DLG5: variants seen among roughly 807,000 people sequenced by gnomAD.
The protein encoded by DLG5 is disks large homolog 5.
A neutral mutation model predicts 189.8 loss-of-function variants in DLG5; 48 were observed. That is an observed-to-expected ratio of 0.25 (90% CI 0.20 to 0.32). DLG5 has a LOEUF of 0.32. Ranked by LOEUF, DLG5 falls within the 10% of genes least tolerant of loss-of-function variation. The pLI is 1.00. For missense variants in DLG5, 2,160 were observed against 2,544.7 expected (o/e 0.85, Z 3.25); for synonymous variants, 1,016 against 1,054.1 (o/e 0.96, Z 0.70).
chr10:77,883,605 A>G (rs893304973), intron 1 of DLG5, among the ~76,000 whole-genome samples: 2 of 152,068 alleles, frequency 1.3e-5, no homozygotes, highest in African/African-American at 4.8e-5. Flanking sequence ...CAATTTGAAC[A>G]ATGTCATTGG....
rs1375623842 is a variant in DLG5 at position 77,830,857 on chromosome 10, G to T, written c.1765C>A (p.Gln589Lys). The change falls in exon 10 of 32, where the codon CAG becomes AAG. Residue 589 changes from glutamine to lysine, a missense_variant. Around this residue, in one of 5 missense-constraint regions of DLG5, gnomAD observed 664 missense variants for 838.5 expected, o/e 0.79. Transcript: ENST00000372391. ...LKELKEQMESQLEKEARFRQL... is the reference protein window; with the variant it reads ...LKELKEQMESKLEKEARFRQL... ...CGGAACCGGGCCTCCTTTTCCAACT[G>T]GGATTCCATCTGTTCCCTGTGAACA... 6.2e-7 allele frequency: 1 copy of T among 1,614,080 alleles called. No individual in the cohort carries two copies. Among genetic ancestry groups the T allele is most frequent in the East Asian group, 2.2e-5 (1 of 44,880 alleles).
At chr10:77,915,987 A>G (rs1317828110) in intron 1 of DLG5, among the ~76,000 whole-genome samples, 2 of 152,124 alleles carry the variant, frequency 1.3e-5, no homozygotes, top group African/African-American at 4.8e-5. Context: ...GGCTTATTCA[A>G]TAATGGATTG....
At chr10:77,868,510 G>T (rs902986239) in intron 2 of DLG5, 7 of 282,222 alleles carry the variant, frequency 2.5e-5, no homozygotes, top group Non-Finnish European at 4.8e-5. Context: ...TGGAGTAGAT[G>T]ACCTCTGTGA....
intron 1 of DLG5, among the ~76,000 whole-genome samples, chr10:77,920,470 G>T (rs1190372325): frequency 6.6e-6 from 1 of 152,126 alleles, no homozygotes; most frequent in African/African-American, 2.4e-5. Context: ...GCGTGACATC[G>T]CTGCTGCTTG....
At chr10:77,908,789 G>C (rs1846137969) in intron 1 of DLG5, among the ~76,000 whole-genome samples, 1 of 151,948 alleles carries the variant, frequency 6.6e-6, no homozygotes, top group South Asian at 2.1e-4. Context: ...TAAACTCCTG[G>C]GGGGTGGGGG....
At chr10:77,847,894 T>TG (rs974047396) in intron 5 of DLG5, among the ~76,000 whole-genome samples, 4 of 152,046 alleles carry the variant, frequency 2.6e-5, no homozygotes, top group Non-Finnish European at 5.9e-5. Flanking sequence ...TTTGTAGAGA[T>TG]GGGGGTCTCA....
rs552235393 is a variant in DLG5 at position 77,840,115 on chromosome 10, C to T, written c.1437+1766G>A. ...AAGGCTGGCTGGGTGCAGGGGCTCA[C>T]GCCTGTAATCCTAGCACTTTGGGAG... is the stretch of plus-strand genomic sequence containing the variant. On this transcript the variant is annotated intron_variant, in intron 7 of 31. Coordinates refer to ENST00000372391, the MANE Select transcript of DLG5 (RefSeq NM_004747.4). 7.9e-5 allele frequency among the ~76,000 whole-genome samples: 12 copies of T among 152,316 alleles called. No individual in the cohort carries two copies. The South Asian group carries it at 1.0e-3, about 13-fold the overall frequency.
In DLG5 at chr10:77,892,729, C is replaced by G. The variant is rs150384030; in HGVS notation, c.305-23532G>C. Reference sequence around the variant, plus strand: ...TAGCTTCCCTCACAGGGCCAGGCAGCCAGGAGACACCCAATAAAGGATTGC... The same window carrying G: ...TAGCTTCCCTCACAGGGCCAGGCAGGCAGGAGACACCCAATAAAGGATTGC... On this transcript the variant is annotated intron_variant, in intron 1 of 31. Coordinates refer to ENST00000372391, the MANE Select transcript of DLG5 (RefSeq NM_004747.4). 1.6e-4 allele frequency among the ~76,000 whole-genome samples: 24 copies of G among 152,302 alleles called. No homozygotes were observed. In the East Asian group the frequency reaches 4.6e-3, roughly 29 times the overall value.
intron 1 of DLG5, among the ~76,000 whole-genome samples, chr10:77,870,021 C>T (rs143073970): frequency 6.6e-6 from 1 of 152,228 alleles, no homozygotes; most frequent in Non-Finnish European, 1.5e-5. Flanking sequence ...CCCCATCCCC[C>T]ATCCCCCATC....
rs556228211 is a variant in DLG5 at position 77,816,388 on chromosome 10, T to C, written c.4025+163A>G. Reference sequence around the variant, plus strand: ...TCCACACACGCCCCACCTCCCTGCATCCAGTGCCCCATGGCACTTACTGGT... The same window carrying C: ...TCCACACACGCCCCACCTCCCTGCACCCAGTGCCCCATGGCACTTACTGGT... On this transcript the variant is annotated intron_variant, in intron 20 of 31. Coordinates refer to ENST00000372391, the MANE Select transcript of DLG5 (RefSeq NM_004747.4). Among the ~76,000 whole-genome samples, 276 of 152,304 alleles carry C rather than the reference T, an allele frequency of 1.8e-3. 1 individual carries two copies. Among genetic ancestry groups the C allele is most frequent in the Non-Finnish European group, 2.9e-3 (200 of 68,016 alleles).
rs180702031 is a variant in DLG5, at chr10:77,926,599, C to T, written c.-79G>A. 2,658 of 1,117,654 alleles carry T rather than the reference C, an allele frequency of 2.4e-3. 46 individuals carry two copies. The African/African-American group carries it at 0.041, about 17-fold the overall frequency. The allele number at this position is 1,117,654 out of a possible 1,614,324, so 69.2% of individuals were successfully genotyped here. On this transcript the variant is annotated 5_prime_UTR_variant, in exon 1 of 32. Transcript: ENST00000372391. This position sits in a 1 kb window ranked among gnomAD's most constrained non-coding sequence, Gnocchi z 5.2. ...CCGGCGGGCGGGCAGGCGAGCACCT[C>T]GGCAGCAGCCCTAGGGCGCCGGGAG...
intron 1 of DLG5, among the ~76,000 whole-genome samples, chr10:77,897,594 TG>T (rs1239102742): frequency 1.4e-5 from 2 of 147,780 alleles, no homozygotes; most frequent in Non-Finnish European, 3.0e-5. Flanking sequence ...GAGACCGAGG[TG>T]GGTCAATAAC....
intron 1 of DLG5, among the ~76,000 whole-genome samples, chr10:77,895,529 C>T (rs1381404716): frequency 1.3e-5 from 2 of 152,150 alleles, no homozygotes; most frequent in Admixed American, 6.5e-5. Context: ...AATGTCCAGA[C>T]TTGAAGGTGT....
chr10:77,821,021 T>G (rs1161118820), intron 15 of DLG5, 61 bp downstream of exon 15: 7 of 1,535,464 alleles, frequency 4.6e-6, no homozygotes, highest in Non-Finnish European at 6.1e-6. Context: ...TTAGCAGCCC[T>G]CCTTCGGCCA....
intron 1 of DLG5, among the ~76,000 whole-genome samples, chr10:77,877,993 G>T (rs770243055): frequency 6.6e-6 from 1 of 152,218 alleles, no homozygotes; most frequent in East Asian, 1.9e-4. Context: ...GGCCATGTCT[G>T]CCCTAGAATA....
At chr10:77,865,244 G>C (rs1447014605) in intron 2 of DLG5, among the ~76,000 whole-genome samples, 1 of 152,106 alleles carries the variant, frequency 6.6e-6, no homozygotes, top group African/African-American at 2.4e-5. Flanking sequence ...CCCACAAGGA[G>C]GAGGCATTCC....
chr10:77,810,757 G>A (rs1355359064), intron 23 of DLG5, among the ~76,000 whole-genome samples: 1 of 152,238 alleles, frequency 6.6e-6, no homozygotes, highest in Non-Finnish European at 1.5e-5. Context: ...GGGAAGCACT[G>A]CTGTGGGTGG....
At chr10:77,837,238 A>G (rs1419086940) in intron 7 of DLG5, among the ~76,000 whole-genome samples, 1 of 151,002 alleles carries the variant, frequency 6.6e-6, no homozygotes. Flanking sequence ...AAAAAAAAAA[A>G]AAAGTGTATT....
chr10:77,842,262 T>C, intron 6 of DLG5, 69 bp from the exon 7 acceptor site: 4 of 1,538,744 alleles, frequency 2.6e-6, no homozygotes, highest in South Asian at 1.2e-5. Context: ...GCTGCGCTGC[T>C]GCCTCCCGCC....
Sources: allele counts gnomAD v4.1 joint callset (sites outside exome capture counted in the v4.1 genomes callset), GRCh38; gene constraint gnomAD v4.1.1; regional missense constraint gnomAD v4.1.1; non-coding constraint Gnocchi (gnomAD v3.1); transcripts MANE v1.5; gene names NCBI Gene and HGNC (gene_info 2026-07-23, HGNC 2026-07-21).